The following RIC8B variants were observed in gnomAD, a reference collection of about 807,000 sequenced individuals.
The protein encoded by RIC8B is chaperone Ric-8B.
In RIC8B, 16 loss-of-function variants were observed where a neutral mutation model predicts 57.5. The observed-to-expected ratio is 0.28, with a 90% CI of 0.19 to 0.42. RIC8B has a LOEUF of 0.42. RIC8B is among the 10% of genes least tolerant of loss of function. RIC8B has a pLI of 1.00. For synonymous variants in RIC8B, 216 were observed against 250.8 expected (o/e 0.86, Z 1.31); for missense variants, 481 against 677.0 (o/e 0.71, Z 3.21).
chr12:106,848,459 A>C (rs769729371), intron 6 of RIC8B, among the ~76,000 whole-genome samples: 2 of 152,182 alleles, frequency 1.3e-5, no homozygotes, highest in African/African-American at 4.8e-5. Context: ...CCTAGCCACT[A>C]TGTAGAAAAT....
At chr12:106,779,681 A>T (rs866511351) in intron 1 of RIC8B, among the ~76,000 whole-genome samples, 140 of 137,446 alleles carry the variant, frequency 1.0e-3, no homozygotes, top group African/African-American at 3.1e-3. Context: ...ACAAAAAAAA[A>T]TTTTTTTTTT....
At position 106,879,167 on chromosome 12, in the gene RIC8B, CAA is replaced by C. The variant is rs1294379485; in HGVS notation, c.1572-6736_1572-6735del. 2.0e-6 allele frequency: 2 copies of C among 985,770 alleles called. No individual in the cohort carries two copies. The highest frequency in any genetic ancestry group is 4.7e-5 in the South Asian group (1 of 21,284). 61.1% of individuals were successfully genotyped at this position (985,770 alleles called of 1,614,324 possible). The stretch of plus-strand genomic sequence containing the variant: ...TCTTGGGAGATCTGCAAGTGGGAAA[CAA>C]GAATGCATTTTACCAACTGCTTAAT... On this transcript the variant is annotated intron_variant, in intron 9 of 9. Coordinates refer to ENST00000392837, the MANE Select transcript of RIC8B (RefSeq NM_001330145.2). The surrounding 1 kb of genome is among the most constrained non-coding windows in gnomAD (Gnocchi z 4.9).
chr12:106,790,540 C>G (rs1049010651), intron 2 of RIC8B, among the ~76,000 whole-genome samples: 2 of 152,166 alleles, frequency 1.3e-5, no homozygotes, highest in Admixed American at 1.3e-4. Context: ...CTGTGATTAT[C>G]TACCAGCACA....
rs112951280 is a variant in RIC8B at position 106,869,446 on chromosome 12, C to CT, written c.1452-1364dup. 2.0e-3 allele frequency among the ~76,000 whole-genome samples: 293 copies of CT among 144,538 alleles called. No homozygotes were observed. In the East Asian group the frequency reaches 0.022, roughly 11 times the overall value. 94.8% of individuals were successfully genotyped at this position (144,538 alleles called of 152,430 possible). On this transcript the variant is annotated intron_variant, in intron 8 of 9. Transcript: ENST00000392837. ...ACTGTGTCTTTGTCTTGGCCAGTAT[C>CT]TTTTTTTTTTTTTAATTTAAACTGG...
chr12:106,868,197 AGT>A (rs1017299847), intron 8 of RIC8B: 7 of 436,256 alleles, frequency 1.6e-5, no homozygotes, highest in African/African-American at 1.4e-4. Context: ...ACAGCTTACC[AGT>A]GTGTCCTCCT....
chr12:106,885,534 A>C (rs1951141365), intron 9 of RIC8B, among the ~76,000 whole-genome samples: 1 of 151,966 alleles, frequency 6.6e-6, no homozygotes, highest in Non-Finnish European at 1.5e-5. Flanking sequence ...GGGCAGGTGA[A>C]ATTTTGGCAG....
At chr12:106,785,716 T>C (rs966962691) in intron 2 of RIC8B, among the ~76,000 whole-genome samples, 5 of 151,994 alleles carry the variant, frequency 3.3e-5, no homozygotes, top group African/African-American at 1.2e-4. Flanking sequence ...AAAATAGCCC[T>C]GCTCAGGCCC....
intron 5 of RIC8B, 56 bp downstream of exon 5, chr12:106,842,873 C>A: frequency 2.8e-6 from 3 of 1,062,382 alleles, no homozygotes; most frequent in Non-Finnish European, 4.3e-6. Flanking sequence ...TGTAAATGTG[C>A]CATACATACA....
chr12:106,857,910 G>A (rs1949772356), intron 7 of RIC8B, among the ~76,000 whole-genome samples: 1 of 152,018 alleles, frequency 6.6e-6, no homozygotes, highest in Admixed American at 6.6e-5. Context: ...TAAAACTCTT[G>A]GCTATACCCT....
intron 4 of RIC8B, among the ~76,000 whole-genome samples, chr12:106,830,359 G>A (rs571762820): frequency 1.6e-3 from 240 of 152,276 alleles, no homozygotes; most frequent in African/African-American, 5.3e-3. Context: ...TATTAATTAA[G>A]CACTACTATG....
chr12:106,796,391 AAAAAG>A (rs375274950), intron 2 of RIC8B, among the ~76,000 whole-genome samples: 25 of 152,240 alleles, frequency 1.6e-4, no homozygotes, highest in Non-Finnish European at 2.8e-4. Context: ...TCTAAAAAGA[AAAAAG>A]AAATTGCTAC....
rs1457789616 is a variant in RIC8B at position 106,889,203 on chromosome 12, ATAATT to A, written c.*3191_*3195del. ...CTTCCTGTATTTTTTCTATGCATAT[ATAATT>A]TATTTTACTACAAGATTGGGATCAT... On this transcript the variant is annotated 3_prime_UTR_variant, in exon 10 of 10. Transcript: ENST00000392837. 3 of 152,196 alleles carry A rather than the reference ATAATT, an allele frequency of 2.0e-5. No individual in the cohort carries two copies. Among genetic ancestry groups the A allele is most frequent in the Non-Finnish European group, 4.4e-5 (3 of 68,028 alleles). 9.4% of individuals were successfully genotyped at this position (152,196 alleles called of 1,614,324 possible).
At chr12:106,833,002 AG>A (rs901951254) in intron 4 of RIC8B, among the ~76,000 whole-genome samples, 1 of 151,918 alleles carries the variant, frequency 6.6e-6, no homozygotes, top group Non-Finnish European at 1.5e-5. Context: ...CCCTTTTGTG[AG>A]GAAAAAAAAA....
chr12:106,831,953 G>T (rs2046369419), intron 4 of RIC8B, among the ~76,000 whole-genome samples: 1 of 152,126 alleles, frequency 6.6e-6, no homozygotes, highest in African/African-American at 2.4e-5. Context: ...CAATCTGCAT[G>T]ACTTTGTATT....
chr12:106,829,106 T>A (rs772856072), intron 4 of RIC8B, among the ~76,000 whole-genome samples: 9 of 152,244 alleles, frequency 5.9e-5, no homozygotes, highest in Non-Finnish European at 1.3e-4. Context: ...TCATTTCCAC[T>A]AATCAACATT....
chr12:106,844,892 G>C (rs891517039), intron 6 of RIC8B, among the ~76,000 whole-genome samples: 3 of 152,170 alleles, frequency 2.0e-5, no homozygotes, highest in Non-Finnish European at 2.9e-5. Context: ...GACTACAAGT[G>C]TAAGACTTTG....
At chr12:106,818,132 A>G (rs1238613649) in intron 3 of RIC8B, among the ~76,000 whole-genome samples, 1 of 152,194 alleles carries the variant, frequency 6.6e-6, no homozygotes, top group Non-Finnish European at 1.5e-5. Context: ...AGAAAATACA[A>G]ATTACCTGTA....
chr12:106,824,603 T>A (rs1566091352), intron 3 of RIC8B, among the ~76,000 whole-genome samples: 1 of 152,062 alleles, frequency 6.6e-6, no homozygotes, highest in African/African-American at 2.4e-5. Context: ...GATGATATAT[T>A]AAGAAGTTTT....
At chr12:106,793,515 A>G (rs1196835064) in intron 2 of RIC8B, among the ~76,000 whole-genome samples, 1 of 152,234 alleles carries the variant, frequency 6.6e-6, no homozygotes. Flanking sequence ...TAACTGAGCT[A>G]GATTGCTAGA....
Sources: allele counts gnomAD v4.1 joint callset (sites outside exome capture counted in the v4.1 genomes callset), GRCh38; gene constraint gnomAD v4.1.1; non-coding constraint Gnocchi (gnomAD v3.1); transcripts MANE v1.5; gene names NCBI Gene and HGNC (gene_info 2026-07-23, HGNC 2026-07-21).